Variants in RDH12 observed in about 807,000 individuals in gnomAD.
RDH12 encodes all-trans and 9-cis retinol dehydrogenase.
A neutral mutation model predicts 34.0 loss-of-function variants in RDH12; 21 were observed. That is an observed-to-expected ratio of 0.62 (90% CI 0.44 to 0.89). The LOEUF (loss-of-function observed/expected upper bound fraction) is 0.89, where lower values mean the gene tolerates loss of function less well. Ranked by LOEUF, RDH12 falls within the 40% of genes least tolerant of loss-of-function variation. The probability of loss-of-function intolerance (pLI) is 0.00; values close to 1 mark genes in which losing one functional copy is unlikely to be tolerated. For missense variants in RDH12, 394 were observed against 398.6 expected (o/e 0.99, Z 0.10); for synonymous variants, 198 against 169.9 (o/e 1.17, Z -1.29).
chr14:67,702,575 C>G (rs940588424), intron 1 of RDH12, among the ~76,000 whole-genome samples: 1 of 152,016 alleles, frequency 6.6e-6, no homozygotes, highest in Non-Finnish European at 1.5e-5. Context: ...TGTATGTTGA[C>G]AATTTTGAAG....
At chr14:67,724,653 C>T in intron 4 of RDH12, 62 bp downstream of exon 4, 1 of 1,199,358 alleles carries the variant, frequency 8.3e-7, no homozygotes, top group Non-Finnish European at 1.2e-6. Context: ...CCACTGGGGC[C>T]TCTGTCCATA....
At chr14:67,732,955 G>A (rs146852026) in intron 8 of RDH12, among the ~76,000 whole-genome samples, 440 of 152,104 alleles carry the variant, frequency 2.9e-3, no homozygotes, top group South Asian at 0.012. Context: ...TAGAAAAAAG[G>A]AACATTAAAA....
intron 1 of RDH12, among the ~76,000 whole-genome samples, chr14:67,705,359 T>C (rs965437307): frequency 6.6e-6 from 1 of 152,208 alleles, no homozygotes; most frequent in Non-Finnish European, 1.5e-5. Context: ...TCAGTGTCAG[T>C]AGGTTACATA....
Position 67,726,976 on chromosome 14 carries a change from C to T in RDH12, c.449-5C>T. 1 of 1,612,082 alleles carries T rather than the reference C, an allele frequency of 6.2e-7. No individual in the cohort carries two copies. Among genetic ancestry groups the T allele is most frequent in the Non-Finnish European group, 8.5e-7 (1 of 1,179,846 alleles). On this transcript the variant is annotated splice_polypyrimidine_tract_variant and splice_region_variant and intron_variant, in intron 6 of 8. Coordinates refer to ENST00000551171, the MANE Select transcript of RDH12 (RefSeq NM_152443.3). ...TTCAATCTTCCCTGCTGGCTCTCCT[C>T]ACAGGCCACTTCCTCCTCACCTACC... is the stretch of plus-strand genomic sequence containing the variant.
chr14:67,733,714 C>A, intron 8 of RDH12, 32 bp from the exon 9 acceptor site: 1 of 1,438,164 alleles, frequency 7.0e-7, no homozygotes, highest in Non-Finnish European at 9.8e-7. Flanking sequence ...AATTCTCATT[C>A]CTGGAATTTA....
intron 1 of RDH12, among the ~76,000 whole-genome samples, chr14:67,710,451 T>A (rs1955473): frequency 6.6e-6 from 1 of 152,160 alleles, no homozygotes; most frequent in Non-Finnish European, 1.5e-5. Flanking sequence ...TACATAGACC[T>A]TTTGTGACAT....
At chr14:67,724,860 G>A (rs1231824984) in intron 4 of RDH12, among the ~76,000 whole-genome samples, 2 of 152,202 alleles carry the variant, frequency 1.3e-5, no homozygotes, top group Non-Finnish European at 2.9e-5. Flanking sequence ...GAGATACTAA[G>A]TGACATTAAA....
chr14:67,714,342 GTTGCT>G (rs2038043837), intron 1 of RDH12, among the ~76,000 whole-genome samples: 2 of 151,986 alleles, frequency 1.3e-5, no homozygotes, highest in African/African-American at 4.8e-5. Context: ...ATCTGATTAT[GTTGCT>G]CTTGGTCTCA....
rs564405845 is a variant in RDH12 at position 67,713,073 on chromosome 14, C to T, written c.-274-7775C>T. ...AAAAAGACTGAAACAACAATAAAAACAGAAATAAACAATGGCACAACTTAT... is the reference window on the plus strand; with the variant it reads ...AAAAAGACTGAAACAACAATAAAAATAGAAATAAACAATGGCACAACTTAT... On this transcript the variant is annotated intron_variant, in intron 1 of 8. Transcript: ENST00000551171. Among the ~76,000 whole-genome samples the T allele has an allele frequency of 9.9e-5, 15 of 151,964 alleles. No individual in the cohort carries two copies. The South Asian group carries it at 3.1e-3, about 32-fold the overall frequency.
chr14:67,731,231 T>G (rs1594868743), intron 8 of RDH12, among the ~76,000 whole-genome samples: 1 of 115,112 alleles, frequency 8.7e-6, no homozygotes, highest in African/African-American at 3.2e-5. Context: ...TTTTTTTTTT[T>G]GGAGACATAG....
chr14:67,729,710 G>A, intron 8 of RDH12: 1 of 538,446 alleles, frequency 1.9e-6, no homozygotes, highest in Non-Finnish European at 3.6e-6. Flanking sequence ...TAAGCTTTTG[G>A]CTCACTTGAT....
chr14:67,731,744 A>C (rs886273299), intron 8 of RDH12, among the ~76,000 whole-genome samples: 2 of 152,200 alleles, frequency 1.3e-5, no homozygotes, highest in Non-Finnish European at 2.9e-5. Flanking sequence ...GCCACTGGGC[A>C]GTAGTGGTTA....
intron 1 of RDH12, among the ~76,000 whole-genome samples, chr14:67,719,021 C>G (rs2038096079): frequency 6.6e-6 from 1 of 152,120 alleles, no homozygotes; most frequent in Admixed American, 6.5e-5. Context: ...TAAGATACAC[C>G]AACAAAGTTG....
chr14:67,725,356 C>A, intron 5 of RDH12, 102 bp downstream of exon 5: 2 of 1,219,254 alleles, frequency 1.6e-6, no homozygotes, highest in Non-Finnish European at 2.4e-6. Context: ...CATCATCCAC[C>A]CCACTAGACA....
rs144148976 is a variant in RDH12, at chr14:67,729,230, T to A, written c.698T>A (p.Val233Asp). The change falls in exon 8 of 9, where the codon GTC becomes GAC. Residue 233 changes from valine to aspartate, a missense_variant. Coordinates refer to ENST00000551171, the MANE Select transcript of RDH12 (RefSeq NM_152443.3). ...VTTYAVHPGVVRSELVRHSSL... is the reference protein window; with the variant it reads ...VTTYAVHPGVDRSELVRHSSL... The stretch of plus-strand genomic sequence containing the variant: ...ACCTACGCAGTGCACCCAGGCGTCG[T>A]CCGCTCTGAGCTGGTCCGGCACTCC... 16 of 1,611,408 alleles carry A rather than the reference T, an allele frequency of 9.9e-6. No homozygotes were observed. In the African/African-American group the frequency reaches 1.1e-4, roughly 11 times the overall value.
chr14:67,724,672 T>C (rs1448723755), intron 4 of RDH12, 81 bp downstream of exon 4: 39 of 1,089,900 alleles, frequency 3.6e-5, no homozygotes, highest in Non-Finnish European at 5.2e-5. Context: ...TATTGCTTTG[T>C]GTTTCCTCCT....
intron 5 of RDH12, among the ~76,000 whole-genome samples, chr14:67,725,617 G>A (rs967319720): frequency 8.5e-5 from 13 of 152,182 alleles, no homozygotes; most frequent in African/African-American, 2.9e-4. Flanking sequence ...TCTGGATCTT[G>A]GAAAATGACC....
intron 1 of RDH12, among the ~76,000 whole-genome samples, chr14:67,718,734 G>A (rs1388236594): frequency 6.6e-6 from 1 of 152,150 alleles, no homozygotes; most frequent in Admixed American, 6.5e-5. Flanking sequence ...AATCCCTAAA[G>A]AGCAGGTATC....
At chr14:67,716,178 CAG>C (rs1491108358) in intron 1 of RDH12, among the ~76,000 whole-genome samples, 1 of 141,740 alleles carries the variant, frequency 7.1e-6, no homozygotes, top group Non-Finnish European at 1.5e-5. Flanking sequence ...GCCTGGACGA[CAG>C]AGTGAGACTC....
Sources: gnomAD v4.1 joint callset for allele counts (sites outside exome capture counted in the v4.1 genomes callset) on GRCh38, gnomAD v4.1.1 for gene constraint, MANE v1.5 for transcripts, NCBI Gene and HGNC (gene_info 2026-07-23, HGNC 2026-07-21) for gene names.